PSD3: variants seen among roughly 807,000 people sequenced by gnomAD.
PSD3 encodes the protein pleckstrin and Sec7 domain containing 3, also known as PH and SEC7 domain-containing protein 3.
In PSD3, 49 loss-of-function variants were observed where a neutral mutation model predicts 105.5. The ratio of observed to expected loss-of-function variants is 0.46; its 90% CI spans 0.37 to 0.59. The LOEUF is 0.59. Ranked by LOEUF, PSD3 falls within the 20% of genes least tolerant of loss-of-function variation. PSD3 has a pLI of 0.00. For missense variants in PSD3, 1,561 were observed against 1,263.8 expected (o/e 1.24, Z -3.57); for synonymous variants, 557 against 457.8 (o/e 1.22, Z -2.77).
intron 14 of PSD3, among the ~76,000 whole-genome samples, chr8:18,567,477 G>A (rs907679310): frequency 2.0e-5 from 3 of 152,228 alleles, no homozygotes; most frequent in South Asian, 2.1e-4. Context: ...TCATCAGTAA[G>A]AGCATTCCTT....
At chr8:18,769,730 T>A (rs73593598) in intron 8 of PSD3, among the ~76,000 whole-genome samples, 1 of 152,240 alleles carries the variant, frequency 6.6e-6, no homozygotes, top group Non-Finnish European at 1.5e-5. Context: ...AATGGAATCA[T>A]ATAAAATGTA....
chr8:18,585,480 G>C (rs1234006106), intron 12 of PSD3, among the ~76,000 whole-genome samples: 1 of 152,044 alleles, frequency 6.6e-6, no homozygotes, highest in East Asian at 1.9e-4. Flanking sequence ...ACTATGTCTG[G>C]CTAATTTTTG....
intron 1 of PSD3, among the ~76,000 whole-genome samples, chr8:19,049,302 C>A (rs900390619): frequency 4.6e-5 from 7 of 152,136 alleles, no homozygotes; most frequent in African/African-American, 1.7e-4. Flanking sequence ...GTCCTACACA[C>A]AAGGAAGAGG....
chr8:18,798,459 G>A (rs1015089482), intron 8 of PSD3, among the ~76,000 whole-genome samples: 2 of 151,888 alleles, frequency 1.3e-5, no homozygotes, highest in African/African-American at 2.4e-5. Flanking sequence ...AGAGCTCCAT[G>A]GTTCCTTTCT....
At chr8:18,544,208 A>T (rs1164302734) in intron 15 of PSD3, among the ~76,000 whole-genome samples, 4 of 151,194 alleles carry the variant, frequency 2.6e-5, no homozygotes, top group Non-Finnish European at 4.4e-5. Flanking sequence ...ACCAAACAAA[A>T]CAAGGAGCTT....
chr8:18,656,359 C>CTTTTTTTTT (rs34369920), intron 9 of PSD3, among the ~76,000 whole-genome samples: 1 of 147,388 alleles, frequency 6.8e-6, no homozygotes. Context: ...TGTCTGGCTG[C>CTTTTTTTTT]TTTTTTTTTT....
Position 18,755,896 on chromosome 8 carries a change from A to G in PSD3, c.2172+9553T>C, listed in dbSNP as rs138780313. Among the ~76,000 whole-genome samples the G allele has an allele frequency of 2.5e-3, 379 of 152,216 alleles. 2 individuals are homozygous for G. Among genetic ancestry groups the G allele is most frequent in the African/African-American group, 8.8e-3 (365 of 41,532 alleles). On this transcript the variant is annotated intron_variant, in intron 9 of 15. Transcript: ENST00000327040. The stretch of plus-strand genomic sequence containing the variant: ...CAGCATCATTATTCTGCCCATGATG[A>G]GCACGTGATCGAAAGCGAAAGCAGG...
At chr8:19,019,979 T>C (rs1205905561) in intron 1 of PSD3, among the ~76,000 whole-genome samples, 1 of 152,184 alleles carries the variant, frequency 6.6e-6, no homozygotes, top group African/African-American at 2.4e-5. Context: ...TAGGGTAGAC[T>C]CAGCTCACCT....
intron 8 of PSD3, among the ~76,000 whole-genome samples, chr8:18,773,925 T>C (rs1005014104): frequency 4.6e-5 from 7 of 152,318 alleles, no homozygotes; most frequent in Admixed American, 6.5e-5. Context: ...TTCTTCAGTA[T>C]TTTGTAGTTT....
chr8:19,083,588 AG>A (rs1829711940), intron 1 of PSD3, among the ~76,000 whole-genome samples: 1 of 152,186 alleles, frequency 6.6e-6, no homozygotes, highest in South Asian at 2.1e-4. Context: ...TGAGAGCCCT[AG>A]AAAGTCAGGT....
intron 9 of PSD3, among the ~76,000 whole-genome samples, chr8:18,676,840 T>C (rs1184287742): frequency 6.6e-6 from 1 of 152,246 alleles, no homozygotes; most frequent in African/African-American, 2.4e-5. Context: ...TCACCTCCAC[T>C]GTCTCCCTTG....
chr8:18,653,775 A>G (rs1439924213), intron 10 of PSD3, among the ~76,000 whole-genome samples: 1 of 152,228 alleles, frequency 6.6e-6, no homozygotes, highest in African/African-American at 2.4e-5. Flanking sequence ...ATTAAAAAAA[A>G]AAACCTAGAT....
chr8:19,083,967 T>C (rs112524805), intron 1 of PSD3, among the ~76,000 whole-genome samples: 7 of 152,214 alleles, frequency 4.6e-5, no homozygotes, highest in African/African-American at 1.7e-4. Context: ...GCAGAAATCT[T>C]GGGAAATAGT....
At chr8:18,548,429 T>C (rs1563310677) in intron 15 of PSD3, among the ~76,000 whole-genome samples, 1 of 152,248 alleles carries the variant, frequency 6.6e-6, no homozygotes. Flanking sequence ...AAGAAGCAGT[T>C]ATCTTCAGTC....
At chr8:18,718,775 A>G (rs1802760733) in intron 9 of PSD3, among the ~76,000 whole-genome samples, 1 of 152,180 alleles carries the variant, frequency 6.6e-6, no homozygotes, top group African/African-American at 2.4e-5. Context: ...AGGAAATTTT[A>G]TAATTTAGAG....
intron 15 of PSD3, among the ~76,000 whole-genome samples, chr8:18,544,483 T>C (rs1800342221): frequency 6.6e-6 from 1 of 152,024 alleles, no homozygotes; most frequent in East Asian, 1.9e-4. Flanking sequence ...AGTACAGTAG[T>C]AACCTACTGC....
intron 9 of PSD3, among the ~76,000 whole-genome samples, chr8:18,724,739 A>G (rs578193986): frequency 1.1e-4 from 16 of 152,174 alleles, no homozygotes; most frequent in Non-Finnish European, 2.2e-4. Flanking sequence ...ACATGGGCTT[A>G]ACAAATGATT....
chr8:18,754,277 G>C (rs989948854), intron 9 of PSD3, among the ~76,000 whole-genome samples: 13 of 151,834 alleles, frequency 8.6e-5, no homozygotes, highest in African/African-American at 2.4e-4. Flanking sequence ...CCAACTACTC[G>C]GGAGGCTAAG....
At chr8:19,078,978 C>T (rs1829554147) in intron 1 of PSD3, among the ~76,000 whole-genome samples, 2 of 151,862 alleles carry the variant, frequency 1.3e-5, no homozygotes, top group African/African-American at 4.8e-5. Context: ...AATCCAATTG[C>T]TTTTCAACAT....
Sources: gnomAD v4.1 joint callset for allele counts (sites outside exome capture counted in the v4.1 genomes callset) on GRCh38, gnomAD v4.1.1 for gene constraint, MANE v1.5 for transcripts, NCBI Gene and HGNC (gene_info 2026-07-23, HGNC 2026-07-21) for gene names.